SLC16A12: variants seen among roughly 807,000 people sequenced by gnomAD.
SLC16A12 encodes solute carrier family 16 member 12.
Under a neutral mutation model 42.4 loss-of-function variants are expected in SLC16A12, and 17 were observed. The observed-to-expected ratio is 0.40, with a 90% CI of 0.27 to 0.60. The LOEUF is 0.60. Among genes scored for constraint, SLC16A12 ranks in the 20% least tolerant of loss-of-function variants. The probability of loss-of-function intolerance (pLI) is 0.42; values close to 1 mark genes in which losing one functional copy is unlikely to be tolerated. For synonymous variants in SLC16A12, 224 were observed against 229.4 expected, an observed-to-expected ratio of 0.98 and a Z score of 0.21; for missense variants, 544 against 623.0, an observed-to-expected ratio of 0.87 and a Z score of 1.35.
At chr10:89,457,937 G>C (rs370873181) in intron 3 of SLC16A12, among the ~76,000 whole-genome samples, 2 of 152,088 alleles carry the variant, frequency 1.3e-5, no homozygotes, top group South Asian at 2.1e-4. Context: ...GATGGAGAAG[G>C]GCCTGGAAAA....
chr10:89,525,090 G>A (rs11819197), intron 2 of SLC16A12, among the ~76,000 whole-genome samples: 5,102 of 152,114 alleles, frequency 0.034, 283 homozygotes, highest in African/African-American at 0.11. Flanking sequence ...GCGTGGCGCC[G>A]TGCGCCTGTA....
At chr10:89,533,330 G>C (rs564496752) in intron 2 of SLC16A12, among the ~76,000 whole-genome samples, 24 of 152,198 alleles carry the variant, frequency 1.6e-4, no homozygotes, top group Admixed American at 5.2e-4. Flanking sequence ...TGCAACTTGA[G>C]CTCTATAGGA....
intron 2 of SLC16A12, among the ~76,000 whole-genome samples, chr10:89,477,283 G>T (rs1032148375): frequency 4.0e-5 from 6 of 149,474 alleles, no homozygotes; most frequent in Non-Finnish European, 7.4e-5. Context: ...AACATGTCCA[G>T]CCCAGGCGCA....
chr10:89,503,487 G>A (rs1256475973), intron 2 of SLC16A12, among the ~76,000 whole-genome samples: 1 of 152,194 alleles, frequency 6.6e-6, no homozygotes, highest in African/African-American at 2.4e-5. Flanking sequence ...TGTACAGCAT[G>A]ATTGAAGTAG....
At chr10:89,470,828 C>G (rs1842480134) in intron 2 of SLC16A12, among the ~76,000 whole-genome samples, 1 of 152,126 alleles carries the variant, frequency 6.6e-6, no homozygotes, top group African/African-American at 2.4e-5. Flanking sequence ...GCCCAGTAAC[C>G]AATACTAGGA....
At chr10:89,459,390 T>C (rs1564575699) in intron 3 of SLC16A12, among the ~76,000 whole-genome samples, 2 of 151,966 alleles carry the variant, frequency 1.3e-5, no homozygotes, top group African/African-American at 4.8e-5. Context: ...TGTTTGTGTG[T>C]GTATGTGTAT....
At chr10:89,434,896 G>T (rs1841753785) in intron 7 of SLC16A12, among the ~76,000 whole-genome samples, 1 of 152,178 alleles carries the variant, frequency 6.6e-6, no homozygotes, top group Admixed American at 6.5e-5. Context: ...CAAGGAATCT[G>T]CATTTTTAAC....
At chr10:89,448,786 T>G (rs923627796) in intron 3 of SLC16A12, among the ~76,000 whole-genome samples, 27 of 152,176 alleles carry the variant, frequency 1.8e-4, no homozygotes, top group South Asian at 8.3e-4. Flanking sequence ...GAAATAAACG[T>G]TATTCAATTA....
upstream of SLC16A12, among the ~76,000 whole-genome samples, chr10:89,539,913 T>TTTCTTTC (rs1564604838): frequency 2.0e-4 from 8 of 40,526 alleles, no homozygotes; most frequent in Admixed American, 8.2e-4. Context: ...TTCTTTCTTT[T>TTTCTTTC]TTCTTTTTTT....
chr10:89,503,702 A>G (rs1236710790), intron 2 of SLC16A12, among the ~76,000 whole-genome samples: 2 of 152,354 alleles, frequency 1.3e-5, no homozygotes, highest in South Asian at 4.1e-4. Flanking sequence ...AGGCAAGTCC[A>G]CAATAAGACT....
intron 3 of SLC16A12, among the ~76,000 whole-genome samples, chr10:89,458,233 G>C (rs913511795): frequency 1.2e-4 from 18 of 152,158 alleles, no homozygotes; most frequent in Admixed American, 7.2e-4. Context: ...ATATGCGTTA[G>C]CCCATATACC....
intron 4 of SLC16A12, 96 bp from the exon 5 acceptor site, chr10:89,441,347 C>G: frequency 6.9e-7 from 1 of 1,456,174 alleles, no homozygotes; most frequent in East Asian, 2.3e-5. Context: ...ACCTTTAAAG[C>G]ATTGAGCCCA....
chr10:89,460,330 C>A (rs1842277170), intron 3 of SLC16A12, among the ~76,000 whole-genome samples: 1 of 152,018 alleles, frequency 6.6e-6, no homozygotes, highest in African/African-American at 2.4e-5. Flanking sequence ...GACTCATAAT[C>A]TAGACTTCTT....
chr10:89,467,712 T>C (rs973260233), intron 2 of SLC16A12, among the ~76,000 whole-genome samples: 6 of 152,236 alleles, frequency 3.9e-5, no homozygotes, highest in Non-Finnish European at 8.8e-5. Flanking sequence ...ATTGAGCTGG[T>C]ATGATTAAGT....
intron 2 of SLC16A12, among the ~76,000 whole-genome samples, chr10:89,476,909 T>C (rs1842589590): frequency 6.6e-6 from 1 of 152,218 alleles, no homozygotes; most frequent in African/African-American, 2.4e-5. Context: ...ACGCTGGCCA[T>C]CACATTCCAC....
At chr10:89,512,363 C>T (rs1843176272) in intron 2 of SLC16A12, among the ~76,000 whole-genome samples, 1 of 152,168 alleles carries the variant, frequency 6.6e-6, no homozygotes. Flanking sequence ...TTTTTGCACA[C>T]TAATGAGATG....
At position 89,462,496 on chromosome 10, in the gene SLC16A12, C is replaced by CT. The variant is rs1296646504; in HGVS notation, c.82dup (p.Arg28LysfsTer9). On this transcript the variant is annotated frameshift_variant, in exon 3 of 8. Coordinates refer to ENST00000371790, the MANE Select transcript of SLC16A12 (RefSeq NM_213606.4). LOFTEE classifies it high-confidence loss of function. Reference sequence around the variant, plus strand: ...TCTATTTACTTTTGCCATGGTTTTTCTTTTTTCTTCTTTTCCAGGTTGCTC... The same window carrying CT: ...TCTATTTACTTTTGCCATGGTTTTTCTTTTTTTCTTCTTTTCCAGGTTGCTC... 1.2e-6 allele frequency: 2 copies of CT among 1,613,780 alleles called. No individual in the cohort carries two copies. The highest frequency in any genetic ancestry group is 1.3e-5 in the African/African-American group (1 of 74,884).
chr10:89,433,368 T>C, intron 7 of SLC16A12, 42 bp from the exon 8 acceptor site: 1 of 1,599,898 alleles, frequency 6.3e-7, no homozygotes, highest in African/African-American at 1.3e-5. Flanking sequence ...GAGTTGAAAA[T>C]TCAATTGCTT....
intron 3 of SLC16A12, among the ~76,000 whole-genome samples, chr10:89,459,353 T>C (rs1389249908): frequency 6.6e-6 from 1 of 152,012 alleles, no homozygotes; most frequent in Non-Finnish European, 1.5e-5. Flanking sequence ...ACACAATTGT[T>C]CTAAAGGATA....
Sources: allele counts gnomAD v4.1 joint callset (sites outside exome capture counted in the v4.1 genomes callset), GRCh38; gene constraint gnomAD v4.1.1; transcripts MANE v1.5; gene names NCBI Gene and HGNC (gene_info 2026-07-23, HGNC 2026-07-21).